Variants in SGK3 observed in about 807,000 individuals in gnomAD.
SGK3 encodes the protein serine/threonine-protein kinase Sgk3.
SGK3 carries 47 observed loss-of-function variants against 68.5 expected under a neutral mutation model. The observed-to-expected ratio is 0.69, with a 90% CI of 0.54 to 0.87. SGK3 has a LOEUF of 0.87. Among genes scored for constraint, SGK3 ranks in the 40% least tolerant of loss-of-function variants. The probability of loss-of-function intolerance (pLI) is 0.00; values close to 1 mark genes in which losing one functional copy is unlikely to be tolerated. For missense variants in SGK3, 479 were observed against 575.5 expected (o/e 0.83, Z 1.72); for synonymous variants, 181 against 189.1 (o/e 0.96, Z 0.35).
At chr8:66,730,772 T>A (rs901700493) in intron 1 of SGK3, among the ~76,000 whole-genome samples, 5 of 151,956 alleles carry the variant, frequency 3.3e-5, no homozygotes, top group African/African-American at 1.2e-4. Flanking sequence ...CCCCCTCCCA[T>A]GTTCAAGCAA....
intron 8 of SGK3, among the ~76,000 whole-genome samples, chr8:66,834,464 GGTTTT>G (rs147634357): frequency 0.04 from 6,057 of 151,264 alleles, 121 homozygotes; most frequent in Admixed American, 0.05. Context: ...CTACTGGCAG[GGTTTT>G]GTTTTGTTTT....
intron 16 of SGK3, among the ~76,000 whole-genome samples, chr8:66,854,401 A>T (rs1228293973): frequency 2.0e-5 from 3 of 152,158 alleles, no homozygotes; most frequent in African/African-American, 7.2e-5. Context: ...CCTAAATTAA[A>T]AGTATGGCAT....
intron 8 of SGK3, among the ~76,000 whole-genome samples, chr8:66,834,730 G>A (rs754488454): frequency 9.2e-5 from 14 of 151,878 alleles, no homozygotes; most frequent in Non-Finnish European, 1.3e-4. Context: ...CCAGGAAATC[G>A]AGACCGTCCT....
chr8:66,721,242 C>G (rs1397174670), intron 1 of SGK3, among the ~76,000 whole-genome samples: 4 of 152,200 alleles, frequency 2.6e-5, no homozygotes, highest in African/African-American at 4.8e-5. Flanking sequence ...CCCTTTTCTT[C>G]CCCCAAGGTG....
At chr8:66,844,512 T>TG (rs1318644085) in intron 14 of SGK3, among the ~76,000 whole-genome samples, 8 of 152,224 alleles carry the variant, frequency 5.3e-5, no homozygotes, top group Admixed American at 4.6e-4. Context: ...AAGCAAACAG[T>TG]GTAGGCATTT....
intron 3 of SGK3, among the ~76,000 whole-genome samples, chr8:66,802,567 G>A (rs1266238465): frequency 6.6e-6 from 1 of 151,924 alleles, no homozygotes; most frequent in East Asian, 1.9e-4. Context: ...GTGTGTGCCT[G>A]TGGTCCCAGC....
chr8:66,816,899 C>T (rs1371089910), intron 5 of SGK3, among the ~76,000 whole-genome samples: 2 of 152,190 alleles, frequency 1.3e-5, no homozygotes, highest in East Asian at 3.9e-4. Context: ...GGCGTGATCT[C>T]GGCTCACTGC....
intron 1 of SGK3, among the ~76,000 whole-genome samples, chr8:66,745,520 G>T (rs1053076231): frequency 6.6e-6 from 1 of 152,092 alleles, no homozygotes; most frequent in Admixed American, 6.6e-5. Flanking sequence ...CTTGTAGTGA[G>T]CCGAGACCAC....
chr8:66,813,272 T>C (rs1808451845), intron 4 of SGK3, among the ~76,000 whole-genome samples: 1 of 152,084 alleles, frequency 6.6e-6, no homozygotes, highest in Non-Finnish European at 1.5e-5. Flanking sequence ...AAAGAAAAAT[T>C]TTTAAAAAGA....
intron 4 of SGK3, among the ~76,000 whole-genome samples, chr8:66,813,638 T>A (rs1563641408): frequency 6.7e-6 from 1 of 149,462 alleles, no homozygotes; most frequent in Non-Finnish European, 1.5e-5. Context: ...TTTTAATATA[T>A]AACTACATAT....
At chr8:66,744,498 TATATATATATATATATATATA>T (rs1217516989) in intron 1 of SGK3, among the ~76,000 whole-genome samples, 17 of 24,032 alleles carry the variant, frequency 7.1e-4, no homozygotes, top group South Asian at 2.7e-3. Flanking sequence ...TATATATATA[TATATATATATATATATATATA>T]TTTTTTTTTT....
Position 66,744,522 on chromosome 8 carries a change from T to G in SGK3, c.-122+31689T>G, listed in dbSNP as rs1269360263. Among the ~76,000 whole-genome samples, 15 of 90,580 alleles carry G rather than the reference T, an allele frequency of 1.7e-4. 1 individual carries two copies. Among genetic ancestry groups the G allele is most frequent in the African/African-American group, 6.0e-4 (12 of 19,868 alleles). The allele number at this position is 90,580 out of a possible 152,430, so 59.4% of individuals were successfully genotyped here. A position where few individuals can be genotyped will look rare whatever the true frequency, so the allele number is the denominator to read the frequency against. ...ATATATATATATATATATATATATTTTTTTTTTTTTTTTTTTTTTTTTTAG... is the reference window on the plus strand; with the variant it reads ...ATATATATATATATATATATATATTGTTTTTTTTTTTTTTTTTTTTTTTAG... On this transcript the variant is annotated intron_variant, in intron 1 of 16. Transcript: ENST00000521198.
intron 15 of SGK3, among the ~76,000 whole-genome samples, chr8:66,848,592 G>A (rs1192054663): frequency 6.6e-6 from 1 of 152,020 alleles, no homozygotes; most frequent in Non-Finnish European, 1.5e-5. Flanking sequence ...TCTTCGTATT[G>A]TAGTGGAAAA....
intron 1 of SGK3, among the ~76,000 whole-genome samples, chr8:66,738,255 C>G (rs1324119512): frequency 6.6e-6 from 1 of 152,146 alleles, no homozygotes; most frequent in African/African-American, 2.4e-5. Context: ...TGTACCATTT[C>G]TACCATAGTA....
intron 1 of SGK3, among the ~76,000 whole-genome samples, chr8:66,718,422 G>GTA (rs1554590590): frequency 6.0e-5 from 9 of 150,798 alleles, no homozygotes; most frequent in Non-Finnish European, 8.8e-5. Flanking sequence ...ATATATATGT[G>GTA]TATATATATA....
chr8:66,775,792 G>A (rs1364297387), intron 1 of SGK3, among the ~76,000 whole-genome samples: 1 of 151,624 alleles, frequency 6.6e-6, no homozygotes, highest in Non-Finnish European at 1.5e-5. Context: ...CTTAAACATG[G>A]ACAGCAGGGG....
chr8:66,826,884 A>G (rs891582523), intron 6 of SGK3, among the ~76,000 whole-genome samples: 1 of 151,804 alleles, frequency 6.6e-6, no homozygotes, highest in Non-Finnish European at 1.5e-5. Flanking sequence ...ACCTCAGATG[A>G]TCCACTCGCC....
At chr8:66,796,647 A>G (rs1214620204) in intron 2 of SGK3, among the ~76,000 whole-genome samples, 1 of 152,094 alleles carries the variant, frequency 6.6e-6, no homozygotes. Context: ...ATGTAGTTCT[A>G]TACCATGAAG....
chr8:66,850,174 C>T (rs772812887), intron 15 of SGK3, among the ~76,000 whole-genome samples: 5 of 152,202 alleles, frequency 3.3e-5, no homozygotes, highest in African/African-American at 9.6e-5. Flanking sequence ...ATGCTCTCCC[C>T]ATTCTTTTGT....
Sources: gnomAD v4.1 joint callset for allele counts (sites outside exome capture counted in the v4.1 genomes callset) on GRCh38, gnomAD v4.1.1 for gene constraint, MANE v1.5 for transcripts, NCBI Gene and HGNC (gene_info 2026-07-23, HGNC 2026-07-21) for gene names.